HS3ST4: variants seen among roughly 807,000 people sequenced by gnomAD.
HS3ST4 encodes heparan sulfate glucosamine 3-O-sulfotransferase 4.
In HS3ST4, 17 loss-of-function variants were observed where a neutral mutation model predicts 29.2. The ratio of observed to expected loss-of-function variants is 0.58; its 90% confidence interval spans 0.40 to 0.87. The LOEUF is 0.87. Among genes scored for constraint, HS3ST4 ranks in the 40% least tolerant of loss-of-function variants. The pLI, the probability that HS3ST4 is intolerant of heterozygous loss-of-function variation, is 0.00. For synonymous variants in HS3ST4, 314 were observed against 285.7 expected (o/e 1.10, Z -1.00); for missense variants, 627 against 634.5 (o/e 0.99, Z 0.13).
chr16:26,087,413 C>A (rs1898802477), intron 1 of HS3ST4, among the ~76,000 whole-genome samples: 1 of 152,180 alleles, frequency 6.6e-6, no homozygotes, highest in Non-Finnish European at 1.5e-5. Flanking sequence ...TTGGGATTCA[C>A]CCAAGCCAAG....
intron 1 of HS3ST4, among the ~76,000 whole-genome samples, chr16:26,014,190 A>G (rs986652230): frequency 6.6e-6 from 1 of 152,112 alleles, no homozygotes; most frequent in Non-Finnish European, 1.5e-5. Context: ...TCCTACTAGT[A>G]TGTAAACTCT....
At chr16:26,017,895 C>A (rs1969375882) in intron 1 of HS3ST4, among the ~76,000 whole-genome samples, 1 of 152,130 alleles carries the variant, frequency 6.6e-6, no homozygotes, top group Admixed American at 6.5e-5. Context: ...AGCGTTATGA[C>A]AAGGACTGTC....
At chr16:25,828,301 C>CTTTCTTTCTTTCTCTCT (rs1555467593) in intron 1 of HS3ST4, among the ~76,000 whole-genome samples, 2 of 32,882 alleles carry the variant, frequency 6.1e-5, no homozygotes, top group Admixed American at 3.7e-4. Context: ...TCTTTCTTTC[C>CTTTCTTTCTTTCTCTCT]CTCTCTCTCT....
At chr16:25,721,204 G>A (rs1966490975) in intron 1 of HS3ST4, among the ~76,000 whole-genome samples, 2 of 152,038 alleles carry the variant, frequency 1.3e-5, no homozygotes, top group African/African-American at 4.8e-5. Context: ...AGAGGACATG[G>A]TACATAAACA....
intron 1 of HS3ST4, among the ~76,000 whole-genome samples, chr16:25,821,439 C>A (rs978553074): frequency 6.6e-6 from 1 of 151,976 alleles, no homozygotes; most frequent in Non-Finnish European, 1.5e-5. Flanking sequence ...ATGTGTTTTC[C>A]TCATATTGAT....
At chr16:25,808,863 G>A (rs1232285044) in intron 1 of HS3ST4, among the ~76,000 whole-genome samples, 2 of 152,028 alleles carry the variant, frequency 1.3e-5, no homozygotes, top group African/African-American at 4.8e-5. Context: ...TTTCTTTGGA[G>A]CAGTTGTAAA....
intron 1 of HS3ST4, among the ~76,000 whole-genome samples, chr16:25,984,558 AC>A: frequency 6.6e-6 from 1 of 151,596 alleles, no homozygotes; most frequent in South Asian, 2.1e-4. Context: ...TCTCTCCCTA[AC>A]TCTCCTTCCT....
chr16:25,843,812 G>C (rs1385519654), intron 1 of HS3ST4, among the ~76,000 whole-genome samples: 1 of 152,196 alleles, frequency 6.6e-6, no homozygotes, highest in Non-Finnish European at 1.5e-5. Context: ...TATCATGCAA[G>C]TCTTAGACTG....
intron 1 of HS3ST4, among the ~76,000 whole-genome samples, chr16:25,921,758 T>C (rs1229562142): frequency 7.2e-6 from 1 of 138,146 alleles, no homozygotes; most frequent in Non-Finnish European, 1.6e-5. Context: ...GTTTTTTTTT[T>C]CTTTTTTTTT....
intron 1 of HS3ST4, among the ~76,000 whole-genome samples, chr16:26,084,353 A>C (rs1898759283): frequency 6.6e-6 from 1 of 152,118 alleles, no homozygotes; most frequent in South Asian, 2.1e-4. Flanking sequence ...TTTTCTCAAC[A>C]CCGTCAGGGT....
At chr16:26,090,628 C>T (rs768060676) in intron 1 of HS3ST4, among the ~76,000 whole-genome samples, 1 of 151,938 alleles carries the variant, frequency 6.6e-6, no homozygotes, top group African/African-American at 2.4e-5. Context: ...GCAGCCCTCC[C>T]CTTGGAGACC....
At chr16:25,949,875 C>T (rs2141696493) in intron 1 of HS3ST4, among the ~76,000 whole-genome samples, 1 of 152,194 alleles carries the variant, frequency 6.6e-6, no homozygotes, top group South Asian at 2.1e-4. Flanking sequence ...GACAGAGCCC[C>T]AAGGGAAGCC....
Position 26,003,877 on chromosome 16 carries a change from G to GCTGGTGC in HS3ST4, c.735-131725_735-131719dup, listed in dbSNP as rs893883126. 1.9e-4 allele frequency among the ~76,000 whole-genome samples: 29 copies of GCTGGTGC among 152,118 alleles called. 1 individual carries two copies. The highest frequency in any genetic ancestry group is 7.0e-4 in the African/African-American group (29 of 41,422). On this transcript the variant is annotated intron_variant, in intron 1 of 1. Transcript: ENST00000331351. ...CCATGCCATGTGCCTACCCCTGTGTGCTGGTGCCTGGTGCCTCCAAGTCCT... is the reference window on the plus strand; with the variant it reads ...CCATGCCATGTGCCTACCCCTGTGTGCTGGTGCCTGGTGCCTGGTGCCTCCAAGTCCT...
chr16:25,758,121 A>T (rs1171355737), intron 1 of HS3ST4, among the ~76,000 whole-genome samples: 3 of 152,076 alleles, frequency 2.0e-5, no homozygotes, highest in Non-Finnish European at 4.4e-5. Flanking sequence ...CCTGTTCTCC[A>T]TTTCCCCTAA....
At chr16:26,064,713 G>A (rs907097340) in intron 1 of HS3ST4, among the ~76,000 whole-genome samples, 1 of 149,752 alleles carries the variant, frequency 6.7e-6, no homozygotes, top group African/African-American at 2.5e-5. Flanking sequence ...TGCTTCCCAG[G>A]TTCAAGTGAT....
At position 25,767,202 on chromosome 16, in the gene HS3ST4, T is replaced by C. The variant is rs1335048071; in HGVS notation, c.734+74051T>C. ...CTTGTTTTGCCAGGCAAATGTTTAT[T>C]TATACGGATAAGGCAATGCCATAGT... is the stretch of plus-strand genomic sequence containing the variant. On this transcript the variant is annotated intron_variant, in intron 1 of 1. Coordinates refer to ENST00000331351, the MANE Select transcript of HS3ST4 (RefSeq NM_006040.3). Among the ~76,000 whole-genome samples the C allele has an allele frequency of 4.6e-5, 7 of 152,204 alleles. No individual in the cohort carries two copies. The East Asian group carries it at 1.3e-3, about 29-fold the overall frequency.
intron 1 of HS3ST4, among the ~76,000 whole-genome samples, chr16:26,119,121 A>C (rs1899237998): frequency 6.6e-6 from 1 of 152,238 alleles, no homozygotes; most frequent in Non-Finnish European, 1.5e-5. Context: ...CAGATTGTGT[A>C]CACTGCAAAT....
intron 1 of HS3ST4, among the ~76,000 whole-genome samples, chr16:26,063,647 G>A (rs961877221): frequency 1.3e-5 from 2 of 152,124 alleles, no homozygotes; most frequent in African/African-American, 4.8e-5. Flanking sequence ...AGTGAGCTAT[G>A]ATTGCACCAC....
chr16:25,903,298 GTGTGTATGTATATGTATATATTATATA>G (rs1442563918), intron 1 of HS3ST4, among the ~76,000 whole-genome samples: 2 of 16,706 alleles, frequency 1.2e-4, no homozygotes, highest in Non-Finnish European at 2.7e-4. Flanking sequence ...GTGTGTGTGT[GTGTGTATGTATATGTATATATTATATA>G]TATGTATATG....
Sources: gnomAD v4.1 joint callset for allele counts (sites outside exome capture counted in the v4.1 genomes callset) on GRCh38, gnomAD v4.1.1 for gene constraint, MANE v1.5 for transcripts, NCBI Gene and HGNC (gene_info 2026-07-23, HGNC 2026-07-21) for gene names.